The following ZNF804B variants were observed in gnomAD, a reference collection of about 807,000 sequenced individuals.
ZNF804B encodes the protein zinc finger protein 804B, also known as zinc finger 804B.
Under a neutral mutation model 101.4 loss-of-function variants are expected in ZNF804B, and 80 were observed. That is an observed-to-expected ratio of 0.79 (90% CI 0.66 to 0.95). ZNF804B has a LOEUF of 0.95. Ranked by LOEUF, ZNF804B falls within the 40% of genes least tolerant of loss-of-function variation. ZNF804B has a pLI of 0.00. For missense variants in ZNF804B, 1,673 were observed against 1,561.9 expected, an observed-to-expected ratio of 1.07 and a Z score of -1.20; for synonymous variants, 622 against 558.8, an observed-to-expected ratio of 1.11 and a Z score of -1.59.
At chr7:88,998,603 T>G (rs543812167) in intron 1 of ZNF804B, among the ~76,000 whole-genome samples, 44 of 152,198 alleles carry the variant, frequency 2.9e-4, no homozygotes, top group African/African-American at 9.6e-4. Flanking sequence ...TAGCAAATTA[T>G]AATCCCTTGA....
chr7:89,089,350 T>G (rs888367876), intron 1 of ZNF804B, among the ~76,000 whole-genome samples: 40 of 147,490 alleles, frequency 2.7e-4, no homozygotes, highest in Non-Finnish European at 5.4e-4. Context: ...GATGGCTATG[T>G]TTTCGGAAAA....
chr7:89,095,319 C>A (rs1057034065), intron 1 of ZNF804B, among the ~76,000 whole-genome samples: 3 of 152,142 alleles, frequency 2.0e-5, no homozygotes, highest in East Asian at 3.8e-4. Flanking sequence ...ACACAACCTG[C>A]CAGTGACTTG....
chr7:89,023,329 G>A (rs1788698007), intron 1 of ZNF804B, among the ~76,000 whole-genome samples: 1 of 147,960 alleles, frequency 6.8e-6, no homozygotes, highest in Non-Finnish European at 1.5e-5. Flanking sequence ...AGTTCCTAGT[G>A]TAAAAATGTG....
At chr7:89,081,922 T>G (rs73391252) in intron 1 of ZNF804B, among the ~76,000 whole-genome samples, 2,156 of 151,874 alleles carry the variant, frequency 0.014, 66 homozygotes, top group African/African-American at 0.049. Flanking sequence ...CATCTTCACT[T>G]CCTTTCAATT....
chr7:89,041,215 T>C (rs935744241), intron 1 of ZNF804B, among the ~76,000 whole-genome samples: 2 of 152,282 alleles, frequency 1.3e-5, no homozygotes, highest in South Asian at 2.1e-4. Flanking sequence ...ACCTGGAAAC[T>C]GGATCCAAGG....
chr7:89,003,918 A>G (rs1788328346), intron 1 of ZNF804B, among the ~76,000 whole-genome samples: 1 of 151,926 alleles, frequency 6.6e-6, no homozygotes, highest in African/African-American at 2.4e-5. Flanking sequence ...TGTGAGTGCC[A>G]TAGTTTCAGG....
At chr7:89,106,816 A>T (rs1446212321) in intron 1 of ZNF804B, among the ~76,000 whole-genome samples, 1 of 152,132 alleles carries the variant, frequency 6.6e-6, no homozygotes, top group Non-Finnish European at 1.5e-5. Flanking sequence ...GAAGAACTGG[A>T]GTGGCAGAAC....
intron 1 of ZNF804B, among the ~76,000 whole-genome samples, chr7:89,072,628 T>C (rs1789558696): frequency 1.3e-5 from 2 of 152,056 alleles, no homozygotes; most frequent in Non-Finnish European, 2.9e-5. Flanking sequence ...AAATATTCTA[T>C]GCAAAATGAA....
chr7:89,054,025 C>A (rs1403119290), intron 1 of ZNF804B, among the ~76,000 whole-genome samples: 6 of 152,034 alleles, frequency 3.9e-5, no homozygotes, highest in African/African-American at 1.4e-4. Context: ...TACATTTTCA[C>A]AACTATAGCT....
chr7:89,062,615 G>A (rs1013706818), intron 1 of ZNF804B, among the ~76,000 whole-genome samples: 1 of 151,996 alleles, frequency 6.6e-6, no homozygotes, highest in Admixed American at 6.6e-5. Flanking sequence ...TATACAGTAG[G>A]TGTTCAGTTA....
chr7:88,800,692 T>TTG (rs6150209), intron 1 of ZNF804B, among the ~76,000 whole-genome samples: 5,089 of 146,644 alleles, frequency 0.035, 115 homozygotes, highest in Non-Finnish European at 0.045. Context: ...TAGATATGAT[T>TTG]TGTGTGTGTG....
At chr7:88,864,892 C>G (rs1791702249) in intron 1 of ZNF804B, among the ~76,000 whole-genome samples, 2 of 152,242 alleles carry the variant, frequency 1.3e-5, no homozygotes, top group Admixed American at 1.3e-4. Flanking sequence ...ATAAAATCTG[C>G]AAACTTGATT....
chr7:88,842,817 C>G (rs962194877), intron 1 of ZNF804B, among the ~76,000 whole-genome samples: 4 of 152,136 alleles, frequency 2.6e-5, no homozygotes, highest in Non-Finnish European at 5.9e-5. Context: ...TCACCTGGTA[C>G]CCTCTTAAAA....
intron 1 of ZNF804B, among the ~76,000 whole-genome samples, chr7:89,107,159 T>A: frequency 6.6e-6 from 1 of 152,166 alleles, no homozygotes; most frequent in Non-Finnish European, 1.5e-5. Flanking sequence ...AACCACTTTT[T>A]ATTTATAATG....
intron 1 of ZNF804B, among the ~76,000 whole-genome samples, chr7:89,203,761 G>A (rs1788679032): frequency 6.6e-6 from 1 of 152,108 alleles, no homozygotes; most frequent in Non-Finnish European, 1.5e-5. Context: ...ACGTTCAGGA[G>A]AATAGAGAGA....
At chr7:88,800,728 G>T (rs1790566775) in intron 1 of ZNF804B, among the ~76,000 whole-genome samples, 1 of 131,122 alleles carries the variant, frequency 7.6e-6, no homozygotes, top group Non-Finnish European at 1.6e-5. Context: ...GTGTGTGTGT[G>T]TGTGTGCTTA....
rs527784081 is a variant in ZNF804B, at chr7:88,769,794, A to G, written c.108+9710A>G. ...GTATCATAATTGTTAAGAATCTCCA[A>G]TTGCCTGAGTTTATCAGTCACATAC... On this transcript the variant is annotated intron_variant, in intron 1 of 3. Transcript: ENST00000333190. 2.6e-5 allele frequency among the ~76,000 whole-genome samples: 4 copies of G among 152,346 alleles called. No individual in the cohort carries two copies. In the East Asian group the frequency reaches 7.7e-4, roughly 29 times the overall value.
intron 1 of ZNF804B, among the ~76,000 whole-genome samples, chr7:89,150,002 G>T (rs1264411925): frequency 6.6e-6 from 1 of 151,990 alleles, no homozygotes; most frequent in Middle Eastern, 3.2e-3. Flanking sequence ...CATGGTTTCA[G>T]TTACTTGCAG....
chr7:89,029,681 T>G (rs758788205), intron 1 of ZNF804B, among the ~76,000 whole-genome samples: 1 of 152,184 alleles, frequency 6.6e-6, no homozygotes, highest in Non-Finnish European at 1.5e-5. Context: ...ATTATTGTCA[T>G]TCTTATGGTC....
Sources: allele counts gnomAD v4.1 joint callset (sites outside exome capture counted in the v4.1 genomes callset), GRCh38; gene constraint gnomAD v4.1.1; transcripts MANE v1.5; gene names NCBI Gene and HGNC (gene_info 2026-07-23, HGNC 2026-07-21).